TRAPPC6B: variants seen among roughly 807,000 people sequenced by gnomAD.
The protein encoded by TRAPPC6B is trafficking protein particle complex subunit 6B, also known as TRAPP complex subunit 6B.
TRAPPC6B carries 27 observed loss-of-function variants against 24.7 expected under a neutral mutation model. The ratio of observed to expected loss-of-function variants is 1.09; its 90% CI spans 0.81 to 1.51. The LOEUF is 1.51. Among genes scored for constraint, TRAPPC6B ranks in the 40% most tolerant of loss-of-function variants. The pLI is 0.00. For missense variants in TRAPPC6B, 212 were observed against 190.8 expected, an observed-to-expected ratio of 1.11 and a Z score of -0.66; for synonymous variants, 80 against 66.6, an observed-to-expected ratio of 1.20 and a Z score of -0.98.
At chr14:39,164,761 C>A (rs2053091196) in intron 1 of TRAPPC6B, among the ~76,000 whole-genome samples, 1 of 152,146 alleles carries the variant, frequency 6.6e-6, no homozygotes, top group African/African-American at 2.4e-5. Flanking sequence ...GGCTTGAGTG[C>A]AGGAGGCAGA....
chr14:39,162,071 A>T (rs2053065588), intron 1 of TRAPPC6B, among the ~76,000 whole-genome samples: 1 of 152,210 alleles, frequency 6.6e-6, no homozygotes, highest in Admixed American at 6.5e-5. Context: ...GTTTTAGGTC[A>T]CTTCTTCAAT....
chr14:39,170,065 G>A lies in TRAPPC6B; in HGVS notation c.31C>T (p.His11Tyr), dbSNP rs752125437. The A allele has an allele frequency of 3.1e-6, 5 of 1,613,942 alleles. No individual in the cohort carries two copies. In the African/African-American group the frequency reaches 5.3e-5, roughly 17 times the overall value. ...TACACTCCAGACACCATCTCGTTAT[G>A]GAGAAGCAAAAACAACGCCTCATCC... Reference protein sequence around the residue: MADEALFLLLHNEMVSGVYKS... With the variant: MADEALFLLLYNEMVSGVYKS... The change falls in exon 1 of 6, where the codon CAT becomes TAT. Residue 11 changes from histidine to tyrosine, a missense_variant. Transcript: ENST00000330149.
chr14:39,153,703 CT>C (rs753192860), intron 4 of TRAPPC6B, among the ~76,000 whole-genome samples: 138 of 129,064 alleles, frequency 1.1e-3, no homozygotes, highest in Middle Eastern at 3.8e-3. Context: ...TCTTTTTTTT[CT>C]TTTTTTTTTT....
intron 5 of TRAPPC6B, 147 bp from the exon 6 acceptor site, chr14:39,150,528 A>G (rs778517704): frequency 2.6e-4 from 160 of 617,202 alleles, no homozygotes; most frequent in Non-Finnish European, 3.8e-4. Context: ...AATATTCAAT[A>G]AAGTCAATTC....
chr14:39,160,849 T>C (rs2038359), intron 1 of TRAPPC6B, among the ~76,000 whole-genome samples: 44,444 of 152,078 alleles, frequency 0.29, 7,644 homozygotes, highest in Non-Finnish European at 0.38. Flanking sequence ...AGAGTTCTTA[T>C]AAATAAAATC....
chr14:39,150,243 C>T lies in TRAPPC6B; in HGVS notation c.*107G>A, dbSNP rs1162253994. 3.2e-6 allele frequency: 3 copies of T among 932,040 alleles called. No homozygotes were observed. The highest frequency in any genetic ancestry group is 3.2e-6 in the Non-Finnish European group (2 of 616,314). The allele number at this position is 932,040 out of a possible 1,614,324, so 57.7% of individuals were successfully genotyped here. On this transcript the variant is annotated 3_prime_UTR_variant, in exon 6 of 6. Coordinates refer to ENST00000330149, the MANE Select transcript of TRAPPC6B (RefSeq NM_001079537.2). ...TTAAATTGATAAAAATACATGCTTA[C>T]TCCTGTACAAACATCGAACAATGTA...
chr14:39,153,011 T>C (rs1390501817), intron 4 of TRAPPC6B, among the ~76,000 whole-genome samples: 1 of 151,852 alleles, frequency 6.6e-6, no homozygotes, highest in Non-Finnish European at 1.5e-5. Flanking sequence ...CCCAGCATTT[T>C]GGGTGGCTTT....
At chr14:39,155,089 C>T (rs115848066) in intron 3 of TRAPPC6B, among the ~76,000 whole-genome samples, 4,555 of 151,908 alleles carry the variant, frequency 0.03, 234 homozygotes, top group African/African-American at 0.1. Flanking sequence ...CCACCACACC[C>T]GGCTAGTTTT....
intron 3 of TRAPPC6B, chr14:39,157,108 A>C (rs1846661543): frequency 3.6e-5 from 1 of 27,488 alleles, no homozygotes; most frequent in African/African-American, 5.0e-4. Flanking sequence ...CTCCATCTCA[A>C]AAAAAAAAAA....
chr14:39,163,374 A>T (rs2053078471), intron 1 of TRAPPC6B, among the ~76,000 whole-genome samples: 1 of 89,468 alleles, frequency 1.1e-5, no homozygotes. Flanking sequence ...TCATCACCAG[A>T]AAAAAAAAAA....
chr14:39,168,412 G>A (rs2139392117), intron 1 of TRAPPC6B, among the ~76,000 whole-genome samples: 1 of 152,224 alleles, frequency 6.6e-6, no homozygotes, highest in East Asian at 1.9e-4. Context: ...AATAAAGTCA[G>A]AAGTTTGTGA....
intron 1 of TRAPPC6B, among the ~76,000 whole-genome samples, chr14:39,162,222 G>A (rs1342838176): frequency 5.3e-5 from 8 of 152,120 alleles, no homozygotes; most frequent in East Asian, 1.9e-4. Context: ...GTGCACTGGC[G>A]AGATCATGGT....
chr14:39,154,133 G>GT, intron 4 of TRAPPC6B, 78 bp downstream of exon 4: 1 of 847,844 alleles, frequency 1.2e-6, no homozygotes, highest in Admixed American at 2.5e-5. Context: ...TAATTCAATA[G>GT]TTTGTTATGA....
chr14:39,162,573 AG>A (rs748008664), intron 1 of TRAPPC6B, among the ~76,000 whole-genome samples: 9 of 152,122 alleles, frequency 5.9e-5, no homozygotes, highest in Non-Finnish European at 1.3e-4. Context: ...CTTCTCTCCT[AG>A]GTTATAAAAC....
chr14:39,150,972 T>C (rs2052904532), intron 5 of TRAPPC6B, among the ~76,000 whole-genome samples: 1 of 152,202 alleles, frequency 6.6e-6, no homozygotes, highest in East Asian at 1.9e-4. Context: ...ACAATAAAGC[T>C]CAAGTCCATT....
intron 5 of TRAPPC6B, 78 bp downstream of exon 5, chr14:39,151,666 CCT>C (rs2052915417): frequency 4.0e-6 from 4 of 1,012,126 alleles, no homozygotes; most frequent in Non-Finnish European, 5.9e-6. Context: ...TTTTAAATTT[CCT>C]CTCAGTTAAA....
rs186661328 is a variant in TRAPPC6B at position 39,162,534 on chromosome 14, G to A, written c.82-2984C>T. Among the ~76,000 whole-genome samples the A allele has an allele frequency of 5.9e-5, 9 of 152,114 alleles. No individual in the cohort carries two copies. In the East Asian group the frequency reaches 7.7e-4, roughly 13 times the overall value. On this transcript the variant is annotated intron_variant, in intron 1 of 5. Transcript: ENST00000330149. ...CAAATCCTCTTCCTAATTACTCCTC[G>A]TCTCCCTTTTATCCCAATTTCAATC...
intron 3 of TRAPPC6B, chr14:39,157,733 AT>A: frequency 4.2e-6 from 1 of 237,400 alleles, no homozygotes; most frequent in Non-Finnish European, 8.4e-6. Context: ...ATCAGAACCA[AT>A]TACGACAGAC....
At chr14:39,161,369 T>A (rs775482769) in intron 1 of TRAPPC6B, among the ~76,000 whole-genome samples, 4 of 152,168 alleles carry the variant, frequency 2.6e-5, no homozygotes, top group Non-Finnish European at 5.9e-5. Flanking sequence ...GAAACATGCG[T>A]CATGAGAATG....
Sources: allele counts gnomAD v4.1 joint callset (sites outside exome capture counted in the v4.1 genomes callset), GRCh38; gene constraint gnomAD v4.1.1; transcripts MANE v1.5; gene names NCBI Gene and HGNC (gene_info 2026-07-23, HGNC 2026-07-21).